The following GSDME variants were observed in gnomAD, a reference collection of about 807,000 sequenced individuals.
GSDME encodes the protein gasdermin E.
Under a neutral mutation model 47.5 loss-of-function variants are expected in GSDME, and 44 were observed. The observed-to-expected ratio is 0.93, with a 90% CI of 0.73 to 1.19. The LOEUF (loss-of-function observed/expected upper bound fraction) is 1.19. Among genes scored for constraint, GSDME ranks in the 50% most tolerant of loss-of-function variants. The pLI, the probability that GSDME is intolerant of heterozygous loss-of-function variation, is 0.00. For synonymous variants in GSDME, 258 were observed against 252.8 expected (o/e 1.02, Z -0.20); for missense variants, 663 against 604.2 (o/e 1.10, Z -1.02).
chr7:24,714,996 G>T lies in GSDME; in HGVS notation c.697+2258C>A, dbSNP rs1789494020. Among the ~76,000 whole-genome samples, 1 of 152,214 alleles carries T rather than the reference G, an allele frequency of 6.6e-6. No individual in the cohort carries two copies. The highest frequency in any genetic ancestry group is 1.5e-5 in the Non-Finnish European group (1 of 68,040). ...GATGGACAAATAGATAAAGAAAATT[G>T]ATGTATTTACACAATGGAATACTTT... On this transcript the variant is annotated intron_variant, in intron 5 of 9. Transcript: ENST00000645220. The surrounding 1 kb of genome is among the most constrained non-coding windows in gnomAD (Gnocchi z 5.0).
chr7:24,769,588 A>C, the GSDME span, among the ~76,000 whole-genome samples: 1 of 152,134 alleles, frequency 6.6e-6, no homozygotes, highest in Admixed American at 6.5e-5. Context: ...AGCCCAGGAC[A>C]TAGGCTCACT....
intron 6 of GSDME, among the ~76,000 whole-genome samples, chr7:24,709,148 C>T (rs940972479): frequency 1.3e-5 from 2 of 152,196 alleles, no homozygotes; most frequent in Admixed American, 1.3e-4. Context: ...ACTGTCTTTA[C>T]CAGTCCCAGC....
rs182725041 is a variant in GSDME at position 24,712,847 on chromosome 7, C to T, written c.698-2459G>A. ...CAGCCTGACCAACATGGAGAAACCT[C>T]GTCTTTACTAAAAATACAAAATTAG... On this transcript the variant is annotated intron_variant, in intron 5 of 9. Coordinates refer to ENST00000645220, the MANE Select transcript of GSDME (RefSeq NM_001127453.2). The surrounding 1 kb of genome is among the most constrained non-coding windows in gnomAD (Gnocchi z 4.4). Among the ~76,000 whole-genome samples the T allele has an allele frequency of 3.0e-3, 455 of 152,150 alleles. 1 individual carries two copies. Among genetic ancestry groups the T allele is most frequent in the African/African-American group, 9.8e-3 (408 of 41,510 alleles).
At chr7:24,773,561 T>C in the GSDME span, among the ~76,000 whole-genome samples, 2 of 152,222 alleles carry the variant, frequency 1.3e-5, no homozygotes, top group Non-Finnish European at 2.9e-5. The surrounding 1 kb of genome is among the most constrained non-coding windows in gnomAD (Gnocchi z 5.4). Flanking sequence ...GCTTCAGATA[T>C]ATTATGCAGA....
At chr7:24,738,300 C>CA (rs902441873) in intron 3 of GSDME, among the ~76,000 whole-genome samples, 65 of 151,972 alleles carry the variant, frequency 4.3e-4, no homozygotes, top group African/African-American at 1.5e-3. Context: ...AATCAACATA[C>CA]AAAAATCAGT....
intron 6 of GSDME, among the ~76,000 whole-genome samples, chr7:24,709,321 G>T (rs1394219047): frequency 2.0e-5 from 3 of 152,204 alleles, no homozygotes; most frequent in Non-Finnish European, 4.4e-5. Flanking sequence ...GGGCCATTTT[G>T]CTGTGGTTCT....
chr7:24,750,979 A>T (rs1790839909), intron 1 of GSDME, among the ~76,000 whole-genome samples: 1 of 152,234 alleles, frequency 6.6e-6, no homozygotes, highest in Admixed American at 6.5e-5. Context: ...TTCCCAATGA[A>T]ATCAAGAGGT....
At chr7:24,738,633 C>G (rs6944680) in intron 3 of GSDME, among the ~76,000 whole-genome samples, 57 of 150,778 alleles carry the variant, frequency 3.8e-4, no homozygotes, top group African/African-American at 1.1e-3. Context: ...AAAAACTACC[C>G]TAAAATTTAT....
chr7:24,790,122 C>G, the GSDME span, among the ~76,000 whole-genome samples: 1 of 152,168 alleles, frequency 6.6e-6, no homozygotes, highest in African/African-American at 2.4e-5. This position sits in a 1 kb window ranked among gnomAD's most constrained non-coding sequence, Gnocchi z 4.1. Context: ...TATATGTAGA[C>G]AGCAATTAGT....
chr7:24,726,814 A>AG lies in GSDME; in HGVS notation c.405-7597_405-7596insC, dbSNP rs926972966. On this transcript the variant is annotated intron_variant, in intron 3 of 9. Transcript: ENST00000645220. This position sits in a 1 kb window ranked among gnomAD's most constrained non-coding sequence, Gnocchi z 5.6. ...GAGCGAGACTCCGTCTCAAAAAAAA[A>AG]AAAAAAAAACCAATGGCCTCGAGGA... is the stretch of plus-strand genomic sequence containing the variant. Among the ~76,000 whole-genome samples the AG allele has an allele frequency of 6.6e-6, 1 of 151,972 alleles. No individual in the cohort carries two copies. The highest frequency in any genetic ancestry group is 2.4e-5 in the African/African-American group (1 of 41,366).
chr7:24,788,351 C>A, the GSDME span, among the ~76,000 whole-genome samples: 1 of 151,908 alleles, frequency 6.6e-6, no homozygotes, highest in Non-Finnish European at 1.5e-5. This position sits in a 1 kb window ranked among gnomAD's most constrained non-coding sequence, Gnocchi z 4.6. Flanking sequence ...TTCTGGCAGA[C>A]GCCGCATGTC....
rs1338643291 is a variant in GSDME, at chr7:24,710,242, A to G, written c.844T>C (p.Leu282=). 3 of 1,613,908 alleles carry G rather than the reference A, an allele frequency of 1.9e-6. No homozygotes were observed. Among genetic ancestry groups the G allele is most frequent in the Non-Finnish European group, 1.7e-6 (2 of 1,180,028 alleles). ...AHGISSQDGP[L]SVLKQATLLL... is the part of the protein sequence containing the mutation. ...GCAATACCTTGCTTTAAAACACTTA[A>G]TGGTCCATCCTGGGAAGATATCCCA... Residue 282 remains leucine, a synonymous_variant, in exon 6 of 10, where the codon TTA becomes CTA. Coordinates refer to ENST00000645220, the MANE Select transcript of GSDME (RefSeq NM_001127453.2).
chr7:24,749,513 A>AG (rs1790785032), intron 2 of GSDME, 51 bp downstream of exon 2: 2 of 1,452,888 alleles, frequency 1.4e-6, no homozygotes, highest in Non-Finnish European at 1.9e-6. Flanking sequence ...AAAAAAAAAA[A>AG]AGGATCATCC....
chr7:24,738,969 A>G (rs1790398965), intron 3 of GSDME, among the ~76,000 whole-genome samples: 1 of 152,220 alleles, frequency 6.6e-6, no homozygotes, highest in African/African-American at 2.4e-5. Flanking sequence ...CTCACCATAT[A>G]CAAAAACCAA....
intron 4 of GSDME, among the ~76,000 whole-genome samples, chr7:24,718,398 A>C (rs1789648980): frequency 6.6e-6 from 1 of 152,220 alleles, no homozygotes; most frequent in Non-Finnish European, 1.5e-5. Flanking sequence ...CAGCTTGGTA[A>C]GACTGTCAAT....
the GSDME span, among the ~76,000 whole-genome samples, chr7:24,789,676 G>C: frequency 4.1e-4 from 63 of 152,322 alleles, no homozygotes; most frequent in African/African-American, 1.5e-3. Flanking sequence ...CTGCCTTTTA[G>C]TTTTTGCTGC....
chr7:24,758,511 C>T (rs1377714871), upstream of GSDME, among the ~76,000 whole-genome samples: 2 of 152,220 alleles, frequency 1.3e-5, no homozygotes, highest in Non-Finnish European at 2.9e-5. The surrounding 1 kb of genome is among the most constrained non-coding windows in gnomAD (Gnocchi z 4.6). Context: ...ATGCTCTCTA[C>T]TAAGCTGAGA....
rs913106324 is a variant in GSDME, at chr7:24,742,207, G to A, written c.404+2355C>T. 6.6e-6 allele frequency among the ~76,000 whole-genome samples: 1 copy of A among 152,172 alleles called. No individual in the cohort carries two copies. Among genetic ancestry groups the A allele is most frequent in the Non-Finnish European group, 1.5e-5 (1 of 68,028 alleles). The stretch of plus-strand genomic sequence containing the variant: ...CCTAGGGACGCGGGTTCATGCCTCG[G>A]CCTTAACATTCTGTGCTATCATTTT... On this transcript the variant is annotated intron_variant, in intron 3 of 9. Coordinates refer to ENST00000645220, the MANE Select transcript of GSDME (RefSeq NM_001127453.2). This position sits in a 1 kb window ranked among gnomAD's most constrained non-coding sequence, Gnocchi z 4.4.
At chr7:24,713,354 ATG>A (rs1789430655) in intron 5 of GSDME, among the ~76,000 whole-genome samples, 1 of 152,198 alleles carries the variant, frequency 6.6e-6, no homozygotes, top group African/African-American at 2.4e-5. Flanking sequence ...CAGAGGTTTT[ATG>A]ACCTGCTACA....
Sources: allele counts gnomAD v4.1 joint callset (sites outside exome capture counted in the v4.1 genomes callset), GRCh38; gene constraint gnomAD v4.1.1; non-coding constraint Gnocchi (gnomAD v3.1); transcripts MANE v1.5; gene names NCBI Gene and HGNC (gene_info 2026-07-23, HGNC 2026-07-21).